The following STYXL1 variants were observed in gnomAD, a reference collection of about 807,000 sequenced individuals.
STYXL1 encodes serine/threonine/tyrosine-interacting-like protein 1.
Under a neutral mutation model 36.4 loss-of-function variants are expected in STYXL1, and 32 were observed. The observed-to-expected ratio is 0.88, with a 90% confidence interval of 0.66 to 1.18. The LOEUF (loss-of-function observed/expected upper bound fraction) is 1.18. STYXL1 is among the 50% of genes most tolerant of loss of function. STYXL1 has a pLI of 0.00. For missense variants in STYXL1, 354 were observed against 394.1 expected (o/e 0.90, Z 0.86); for synonymous variants, 133 against 144.1 (o/e 0.92, Z 0.55).
At chr7:76,008,025 C>G (rs1458627420) in intron 5 of STYXL1, among the ~76,000 whole-genome samples, 1 of 151,338 alleles carries the variant, frequency 6.6e-6, no homozygotes, top group African/African-American at 2.4e-5. Context: ...ATGGTGAAAC[C>G]CTGTCTCTAC....
At chr7:76,013,981 A>G in intron 4 of STYXL1, 94 bp from the exon 5 acceptor site, 2 of 1,343,294 alleles carry the variant, frequency 1.5e-6, no homozygotes, top group Admixed American at 4.8e-5. Context: ...AAATGCAATT[A>G]TTTTATTTAT....
chr7:76,046,331 TGTGTGTGTGCGCGCGC>T (rs1256748208), intron 1 of STYXL1, among the ~76,000 whole-genome samples: 293 of 11,498 alleles, frequency 0.025, no homozygotes, highest in Middle Eastern at 0.071. Context: ...TGTGTGTGTG[TGTGTGTGTGCGCGCGC>T]GCGCGCGCGC....
intron 6 of STYXL1, among the ~76,000 whole-genome samples, chr7:76,004,276 T>C (rs1791362248): frequency 6.6e-6 from 1 of 152,108 alleles, no homozygotes; most frequent in Non-Finnish European, 1.5e-5. Context: ...ATATTTTTAG[T>C]AGAGATGGGG....
intron 4 of STYXL1, among the ~76,000 whole-genome samples, chr7:76,016,215 T>G (rs1793298575): frequency 6.6e-6 from 1 of 151,838 alleles, no homozygotes; most frequent in South Asian, 2.1e-4. Context: ...TGTACATGTA[T>G]AGGGATACAT....
In STYXL1 at chr7:76,017,562, G is replaced by C. The variant is rs114164955; in HGVS notation, c.308-3675C>G. On this transcript the variant is annotated intron_variant, in intron 4 of 8. Transcript: ENST00000359697. ...CAACACACCCTGAAGAATACGAGGA[G>C]GACAGAGAGAGAGGGACAGGGGTTG... Among the ~76,000 whole-genome samples, 483 of 151,866 alleles carry C rather than the reference G, an allele frequency of 3.2e-3. 3 individuals carry two copies. Among genetic ancestry groups the C allele is most frequent in the African/African-American group, 0.011 (462 of 41,442 alleles).
rs1368082650 is a variant in STYXL1 at position 76,042,390 on chromosome 7, C to T, written c.-5+5272G>A. 2.7e-3 allele frequency among the ~76,000 whole-genome samples: 113 copies of T among 41,830 alleles called. 1 individual carries two copies. The highest frequency in any genetic ancestry group is 6.2e-3 in the African/African-American group (99 of 15,866). The allele number at this position is 41,830 out of a possible 152,430, so 27.4% of individuals were successfully genotyped here. A position where few individuals can be genotyped will look rare whatever the true frequency, so the allele number is the denominator to read the frequency against. On this transcript the variant is annotated intron_variant, in intron 1 of 8. Coordinates refer to ENST00000359697, the MANE Select transcript of STYXL1 (RefSeq NM_001317785.2). Reference sequence around the variant, plus strand: ...ACTGCTCCCTGGGTGCCCTTATGTGCTTTTTTTTTTTTTTTTTTTTTTTTT... The same window carrying T: ...ACTGCTCCCTGGGTGCCCTTATGTGTTTTTTTTTTTTTTTTTTTTTTTTTT...
intron 1 of STYXL1, chr7:76,044,515 C>G (rs78340819): frequency 0.19 from 28,266 of 151,840 alleles, 2,936 homozygotes; most frequent in East Asian, 0.29. Context: ...TGGGAGGTAG[C>G]GAGTTCCTCT....
chr7:76,004,257 C>T (rs1554569365), intron 6 of STYXL1, among the ~76,000 whole-genome samples: 1 of 152,092 alleles, frequency 6.6e-6, no homozygotes, highest in African/African-American at 2.4e-5. Context: ...CCACAACCGG[C>T]TAATGTTTAT....
At chr7:76,011,938 G>A (rs1453236031) in intron 5 of STYXL1, among the ~76,000 whole-genome samples, 1 of 152,242 alleles carries the variant, frequency 6.6e-6, no homozygotes, top group Non-Finnish European at 1.5e-5. Context: ...TGACAAAACT[G>A]ACCATGAGTT....
At chr7:76,021,432 G>A (rs2116055175) in intron 4 of STYXL1, among the ~76,000 whole-genome samples, 1 of 152,222 alleles carries the variant, frequency 6.6e-6, no homozygotes, top group South Asian at 2.1e-4. Context: ...GAACATCATG[G>A]AACACTGTTT....
At chr7:76,007,346 A>G (rs1474726784) in intron 5 of STYXL1, among the ~76,000 whole-genome samples, 1 of 152,014 alleles carries the variant, frequency 6.6e-6, no homozygotes, top group Non-Finnish European at 1.5e-5. Flanking sequence ...GAATCACTTG[A>G]TCCTGGGACG....
At chr7:76,029,999 ATTTT>A (rs372885317) in intron 2 of STYXL1, among the ~76,000 whole-genome samples, 14 of 147,620 alleles carry the variant, frequency 9.5e-5, no homozygotes, top group Non-Finnish European at 1.5e-5. Context: ...CTTCTTTTTT[ATTTT>A]TTTTTTTCTT....
chr7:76,030,461 T>A lies in STYXL1; in HGVS notation c.63A>T (p.Lys21Asn). ...AGTTGGGGTCTGTTAATCTGGAGAG[T>A]TTTGTGGCCTGATTCAGGATGTTGT... ...ELYNILNQAT[K>N]LSRLTDPNYL... The change falls in exon 2 of 9, where the codon AAA (lysine) becomes AAT (asparagine). Residue 21 changes from lysine (K) to asparagine (N), a missense_variant. Transcript: ENST00000359697. The A allele has an allele frequency of 6.2e-7, 1 of 1,613,888 alleles. No homozygotes were observed. The highest frequency in any genetic ancestry group is 8.5e-7 in the Non-Finnish European group (1 of 1,179,856).
intron 1 of STYXL1, among the ~76,000 whole-genome samples, chr7:76,041,924 T>C (rs1796507193): frequency 6.6e-6 from 1 of 152,232 alleles, no homozygotes; most frequent in Admixed American, 6.5e-5. Flanking sequence ...TTTGGGTGGT[T>C]GTTACAAGGG....
At chr7:76,016,791 T>C (rs1446680304) in intron 4 of STYXL1, among the ~76,000 whole-genome samples, 1 of 152,174 alleles carries the variant, frequency 6.6e-6, no homozygotes, top group African/African-American at 2.4e-5. Context: ...TTGGTGGGAA[T>C]GTAAAGTAGT....
At chr7:76,019,464 A>AT (rs573608881) in intron 4 of STYXL1, among the ~76,000 whole-genome samples, 41 of 145,544 alleles carry the variant, frequency 2.8e-4, no homozygotes, top group South Asian at 1.7e-3. Context: ...GCCTGGCTAA[A>AT]TTTTTTTTTT....
intron 2 of STYXL1, among the ~76,000 whole-genome samples, chr7:76,029,992 CTTTTT>C (rs1180469689): frequency 1.3e-5 from 2 of 151,804 alleles, no homozygotes; most frequent in East Asian, 3.9e-4. Flanking sequence ...TTGCGGACTT[CTTTTT>C]TATTTTTTTT....
chr7:76,038,530 A>G (rs1434479293), intron 1 of STYXL1, among the ~76,000 whole-genome samples: 1 of 146,842 alleles, frequency 6.8e-6, no homozygotes, highest in African/African-American at 2.5e-5. Context: ...GGTTCCCGCC[A>G]TTCTCCTGCC....
chr7:76,011,882 A>G (rs1473485354), intron 5 of STYXL1, among the ~76,000 whole-genome samples: 1 of 152,278 alleles, frequency 6.6e-6, no homozygotes, highest in African/African-American at 2.4e-5. Flanking sequence ...CCCTACAGAC[A>G]GGACCAGTCA....
Sources: gnomAD v4.1 joint callset for allele counts (sites outside exome capture counted in the v4.1 genomes callset) on GRCh38, gnomAD v4.1.1 for gene constraint, MANE v1.5 for transcripts, NCBI Gene and HGNC (gene_info 2026-07-23, HGNC 2026-07-21) for gene names.